Variants in AATK observed in about 807,000 individuals in gnomAD.
AATK encodes the protein serine/threonine-protein kinase LMTK1.
AATK carries 91 observed loss-of-function variants against 114.3 expected under a neutral mutation model. That is an observed-to-expected ratio of 0.80 (90% confidence interval 0.67 to 0.95). The LOEUF is 0.95. Ranked by LOEUF, AATK falls within the 40% of genes least tolerant of loss-of-function variation. AATK has a pLI of 0.00. For synonymous variants in AATK, 1,075 were observed against 916.5 expected, an observed-to-expected ratio of 1.17 and a Z score of -3.12; for missense variants, 2,176 against 1,965.2, an observed-to-expected ratio of 1.11 and a Z score of -2.03.
intron 6 of AATK, 79 bp downstream of exon 6, chr17:81,127,504 G>T (rs1300157661): frequency 7.2e-7 from 1 of 1,392,120 alleles, no homozygotes; most frequent in Non-Finnish European, 1.0e-6. Flanking sequence ...CCAAGGAGGG[G>T]GTGGCACCAG....
At chr17:81,119,164 AGGTGAGGGTCAGGTGAGGGT>A (rs2060633555) in intron 13 of AATK, among the ~76,000 whole-genome samples, 196 bp downstream of exon 13, 2 of 134,560 alleles carry the variant, frequency 1.5e-5, no homozygotes, top group Admixed American at 1.5e-4. Context: ...GGTGAGGGTC[AGGTGAGGGTCAGGTGAGGGT>A]CAGGTGAGGG....
intron 1 of AATK, among the ~76,000 whole-genome samples, chr17:81,152,845 T>A (rs1179817236): frequency 2.8e-4 from 2 of 7,258 alleles, no homozygotes; most frequent in Non-Finnish European, 8.0e-4. Context: ...CCCTGCTGAA[T>A]TTTTTTTTTT....
In AATK at chr17:81,120,410, G is replaced by A. The variant is rs1482094917; in HGVS notation, c.3526C>T (p.Arg1176Cys). 6 of 1,593,620 alleles carry A rather than the reference G, an allele frequency of 3.8e-6. No individual in the cohort carries two copies. Among genetic ancestry groups the A allele is most frequent in the Non-Finnish European group, 5.1e-6 (6 of 1,168,262 alleles). The stretch of plus-strand genomic sequence containing the variant: ...CTAGGCTCCTGGACGCTGTAGCAGC[G>A]GAGCTCCTCGTCAGACTCGTCGCTG... ...EDSDESDEEL[R>C]CYSVQEPSED... is the part of the protein sequence containing the mutation. Residue 1176 changes from arginine to cysteine, a missense_variant, in exon 11 of 14, where the codon CGC (arginine) becomes TGC (cysteine). By Grantham distance (180) the Arg-to-Cys change is radical. Around this residue, in one of 4 missense-constraint regions of AATK, gnomAD observed 1,701 missense variants for 1,394.7 expected, o/e 1.22. Transcript: ENST00000326724.
Position 81,157,154 on chromosome 17 carries a change from C to T in AATK, c.55+8784G>A, listed in dbSNP as rs573725009. On this transcript the variant is annotated intron_variant, in intron 1 of 13. Transcript: ENST00000326724. ...GCAGGGGCTGTAAGTCACAAGACAC[C>T]GCCCCCGCCAAGAGAGGGGAGCCCG... is the stretch of plus-strand genomic sequence containing the variant. Among the ~76,000 whole-genome samples, 151 of 152,306 alleles carry T rather than the reference C, an allele frequency of 9.9e-4. 2 individuals carry two copies. The South Asian group carries it at 0.03, about 30-fold the overall frequency.
intron 1 of AATK, among the ~76,000 whole-genome samples, chr17:81,138,831 C>G (rs2061075542): frequency 7.0e-6 from 1 of 142,882 alleles, no homozygotes; most frequent in Non-Finnish European, 1.6e-5. Context: ...CGTGAGCGCA[C>G]ACACACCCCC....
chr17:81,133,275 T>C, intron 2 of AATK: 1 of 467,840 alleles, frequency 2.1e-6, no homozygotes, highest in Non-Finnish European at 4.4e-6. Flanking sequence ...AAAGGCCACA[T>C]CCAGCACCGT....
intron 1 of AATK, among the ~76,000 whole-genome samples, chr17:81,141,050 G>A (rs995921777): frequency 1.4e-5 from 2 of 145,126 alleles, no homozygotes; most frequent in African/African-American, 5.0e-5. Context: ...TGGGGACCGT[G>A]AGCCGTGGGG....
rs373548455 is a variant in AATK, at chr17:81,141,014, A to G, written c.56-6513T>C. Among the ~76,000 whole-genome samples the G allele has an allele frequency of 1.4e-3, 118 of 87,356 alleles. 1 individual carries two copies. The highest frequency in any genetic ancestry group is 5.0e-3 in the African/African-American group (112 of 22,236). The allele number at this position is 87,356 out of a possible 152,430, so 57.3% of individuals were successfully genotyped here. A position where few individuals can be genotyped will look rare whatever the true frequency, so the allele number is the denominator to read the frequency against. On this transcript the variant is annotated intron_variant, in intron 1 of 13. Transcript: ENST00000326724. ...TGTGGGGCCGTAAGCCGTGGGGCCC[A>G]TGAGCCGTGGGGACCGTGGGGACCA...
rs770816664 is a variant in AATK, at chr17:81,120,225, G to A, written c.3711C>T (p.Asp1237=). The stretch of plus-strand genomic sequence containing the variant: ...CCTGGTCAAAGAGGTAGACGGTGAC[G>A]TCGTCGAAGAAGGACACGGCCTTCT... The part of the protein sequence containing the change: ...RKKKAVSFFD[D]VTVYLFDQES... The change falls in exon 11 of 14, where the codon GAC becomes GAT. Residue 1237 remains aspartate, a synonymous_variant. Transcript: ENST00000326724. The A allele has an allele frequency of 5.3e-5, 84 of 1,585,858 alleles. 1 individual carries two copies. Among genetic ancestry groups the A allele is most frequent in the Non-Finnish European group, 6.8e-5 (79 of 1,160,412 alleles).
rs768821343 is a variant in AATK at position 81,127,589 on chromosome 17, G to A, written c.615C>T (p.Cys205=). 2.5e-6 allele frequency: 4 copies of A among 1,598,102 alleles called. No individual in the cohort carries two copies. The Admixed American group carries it at 5.2e-5, about 21-fold the overall frequency. ...CCCCCGGGCAGCAGCTCACCAGTGGGCAGAACTCCATCACCAGCAGGTAGG... is the reference window on the plus strand; with the variant it reads ...CCCCCGGGCAGCAGCTCACCAGTGGACAGAACTCCATCACCAGCAGGTAGG... ...VTPYLLVMEF[C]PLGDLKGYLR... The change falls in exon 6 of 14, where the codon TGC becomes TGT. Residue 205 remains cysteine, a synonymous_variant. Transcript: ENST00000326724.
At chr17:81,143,734 G>T (rs1038739100) in intron 1 of AATK, among the ~76,000 whole-genome samples, 1 of 152,142 alleles carries the variant, frequency 6.6e-6, no homozygotes, top group Admixed American at 6.5e-5. Context: ...GTGGCCATGG[G>T]GTGTGATCCC....
At chr17:81,149,233 T>G (rs2061263523) in intron 1 of AATK, among the ~76,000 whole-genome samples, 1 of 151,988 alleles carries the variant, frequency 6.6e-6, no homozygotes, top group Non-Finnish European at 1.5e-5. Flanking sequence ...TTCCCTTCCC[T>G]GACCCCAGCA....
intron 2 of AATK, 43 bp from the exon 3 acceptor site, chr17:81,131,248 A>G: frequency 6.5e-7 from 1 of 1,533,406 alleles, no homozygotes; most frequent in Non-Finnish European, 8.7e-7. Context: ...TCGCAGGTCA[A>G]GGAAGGGTGT....
rs979435555 is a variant in AATK at position 81,166,203 on chromosome 17, G to T, written c.-211C>A. On this transcript the variant is annotated 5_prime_UTR_variant, in exon 1 of 14. Coordinates refer to ENST00000326724, the MANE Select transcript of AATK (RefSeq NM_001080395.3). The stretch of plus-strand genomic sequence containing the variant: ...GCTCCGCCCGGCCCTGGCGCCGCGG[G>T]GCTCCGCTGGTGCAGTCCGAAAACG... 1 of 153,854 alleles carries T rather than the reference G, an allele frequency of 6.5e-6. No individual in the cohort carries two copies. The highest frequency in any genetic ancestry group is 2.5e-5 in the African/African-American group (1 of 39,536). The allele number at this position is 153,854 out of a possible 1,614,324, so 9.5% of individuals were successfully genotyped here.
rs1316642172 is a variant in AATK, at chr17:81,122,528, C to A, written c.1408G>T (p.Glu470Ter). 1 of 1,481,004 alleles carries A rather than the reference C, an allele frequency of 6.8e-7. No individual in the cohort carries two copies. 91.7% of individuals were successfully genotyped at this position (1,481,004 alleles called of 1,614,324 possible). A position where few individuals can be genotyped will look rare whatever the true frequency, so the allele number is the denominator to read the frequency against. Residue 470 changes from glutamate (E) to a stop codon, truncating the protein, a stop_gained, in exon 11 of 14, where the codon GAG becomes TAG. Transcript: ENST00000326724. LOFTEE classifies it high-confidence loss of function. ...ADGDDVLTVT[E>*]TSRGLNFEYK... ...TCAAAATTGAGGCCTCGGCTGGTCT[C>A]GGTCACCGTCAGCACGTCGTCGCCG... is the stretch of plus-strand genomic sequence containing the variant.
In AATK at chr17:81,120,325, G is replaced by C. The variant is rs1338608572; in HGVS notation, c.3611C>G (p.Ala1204Gly). 4 of 1,610,668 alleles carry C rather than the reference G, an allele frequency of 2.5e-6. No homozygotes were observed. Among genetic ancestry groups the C allele is most frequent in the Non-Finnish European group, 8.5e-7 (1 of 1,179,298 alleles). ...CTTGAGCAGGCTGCGCAGGTTGCGC[G>C]CGCTCTGGCTCTCAGCCACCACCAC... ...VPVVVAESQS[A>G]RNLRSLLKMP... The change falls in exon 11 of 14, where the codon GCG becomes GGG. Residue 1204 changes from alanine (A) to glycine (G), a missense_variant. This residue lies in a region of AATK where 1,701 missense variants were observed against 1,394.7 expected (regional missense o/e 1.22). Coordinates refer to ENST00000326724, the MANE Select transcript of AATK (RefSeq NM_001080395.3).
chr17:81,158,942 T>C (rs971649333), intron 1 of AATK, among the ~76,000 whole-genome samples: 3 of 152,084 alleles, frequency 2.0e-5, no homozygotes, highest in African/African-American at 7.2e-5. Context: ...GGGGCCGCTA[T>C]ACACACAGCG....
intron 1 of AATK, chr17:81,165,493 G>A (rs890470085): frequency 3.0e-5 from 15 of 504,544 alleles, no homozygotes; most frequent in Non-Finnish European, 4.0e-5. Context: ...GCTGGTGGCT[G>A]GGCAGGGCTC....
chr17:81,128,376 G>A (rs1277357208), intron 4 of AATK, 94 bp downstream of exon 4: 10 of 1,429,112 alleles, frequency 7.0e-6, no homozygotes, highest in Admixed American at 6.2e-5. Context: ...AGGGACCGTC[G>A]GGGCTGGGGT....
Sources: gnomAD v4.1 joint callset for allele counts (sites outside exome capture counted in the v4.1 genomes callset) on GRCh38, gnomAD v4.1.1 for gene constraint, gnomAD v4.1.1 regional missense constraint, MANE v1.5 for transcripts, NCBI Gene and HGNC (gene_info 2026-07-23, HGNC 2026-07-21) for gene names.